BCL2L13: variants seen among roughly 807,000 people sequenced by gnomAD.
BCL2L13 encodes BCL2 like 13.
BCL2L13 carries 13 observed loss-of-function variants against 25.8 expected under a neutral mutation model. That is an observed-to-expected ratio of 0.50 (90% confidence interval 0.33 to 0.80). BCL2L13 has a LOEUF of 0.80. Ranked by LOEUF, BCL2L13 falls within the 30% of genes least tolerant of loss-of-function variation. BCL2L13 has a pLI of 0.02. For missense variants in BCL2L13, 504 were observed against 574.9 expected (o/e 0.88, Z 1.26); for synonymous variants, 244 against 230.3 (o/e 1.06, Z -0.54).
In BCL2L13 at chr22:17,730,215, ATCAG is replaced by A. The variant is rs1260633896; in HGVS notation, c.*2687_*2690del. The A allele has an allele frequency of 2.0e-5, 3 of 152,214 alleles. No individual in the cohort carries two copies. The highest frequency in any genetic ancestry group is 7.2e-5 in the African/African-American group (3 of 41,456). 9.4% of individuals were successfully genotyped at this position (152,214 alleles called of 1,614,324 possible). A position where few individuals can be genotyped will look rare whatever the true frequency, so the allele number is the denominator to read the frequency against. Reference sequence around the variant, plus strand: ...AAGTGATAATTCTGGGCCCACAGAAATCAGTCAGTACCTGCGGTGTGCCTTAAGG... The same window carrying A: ...AAGTGATAATTCTGGGCCCACAGAAATCAGTACCTGCGGTGTGCCTTAAGG... On this transcript the variant is annotated 3_prime_UTR_variant, in exon 7 of 7. Transcript: ENST00000317582.
intron 4 of BCL2L13, among the ~76,000 whole-genome samples, chr22:17,693,365 AGTGTTTG>A (rs1365846228): frequency 0.12 from 9,655 of 80,430 alleles, 415 homozygotes; most frequent in Non-Finnish European, 0.15. Context: ...TTATTTATTT[AGTGTTTG>A]TTTTTTTTTT....
chr22:17,669,721 T>A (rs552749669), intron 2 of BCL2L13, among the ~76,000 whole-genome samples: 1 of 152,142 alleles, frequency 6.6e-6, no homozygotes, highest in Non-Finnish European at 1.5e-5. Context: ...CGTGGGTTAA[T>A]GGATTAATGA....
intron 2 of BCL2L13, among the ~76,000 whole-genome samples, chr22:17,658,254 A>C (rs2058950474): frequency 6.6e-6 from 1 of 152,204 alleles, no homozygotes; most frequent in African/African-American, 2.4e-5. Context: ...ACAACTGGCA[A>C]ATGTGAAAGA....
chr22:17,644,584 C>A (rs1266772126), intron 1 of BCL2L13, among the ~76,000 whole-genome samples: 1 of 151,250 alleles, frequency 6.6e-6, no homozygotes, highest in African/African-American at 2.5e-5. Flanking sequence ...CCTGCCTTGG[C>A]CTTCCAAAGT....
chr22:17,705,065 T>C (rs1287927934), intron 6 of BCL2L13, among the ~76,000 whole-genome samples: 1 of 150,660 alleles, frequency 6.6e-6, no homozygotes, highest in African/African-American at 2.4e-5. Context: ...AATCTGGAAA[T>C]TTGATAGACT....
upstream of BCL2L13, among the ~76,000 whole-genome samples, chr22:17,636,480 G>C (rs534861970): frequency 1.3e-5 from 2 of 151,960 alleles, no homozygotes; most frequent in South Asian, 2.1e-4. Flanking sequence ...TAACAGAAGC[G>C]ACACCTTGTC....
rs2061341984 is a variant in BCL2L13 at position 17,728,086 on chromosome 22, T to G, written c.*552T>G. ...CTCTTAATCCCCTTAGAATTTCATC[T>G]TTCTCGATGAGCAGGCTCTGCACCC... is the stretch of plus-strand genomic sequence containing the variant. On this transcript the variant is annotated 3_prime_UTR_variant, in exon 7 of 7. Transcript: ENST00000317582. 1 of 157,340 alleles carries G rather than the reference T, an allele frequency of 6.4e-6. No individual in the cohort carries two copies. Among genetic ancestry groups the G allele is most frequent in the South Asian group, 1.9e-4 (1 of 5,378 alleles). 9.7% of individuals were successfully genotyped at this position (157,340 alleles called of 1,614,324 possible). A position where few individuals can be genotyped will look rare whatever the true frequency, so the allele number is the denominator to read the frequency against.
At chr22:17,631,565 T>C (rs1257922442) in intron 1 of BCL2L13, among the ~76,000 whole-genome samples, 4 of 148,548 alleles carry the variant, frequency 2.7e-5, no homozygotes, top group Non-Finnish European at 5.9e-5. Context: ...AGTCCTACAG[T>C]GTTTGTCAGG....
intron 1 of BCL2L13, among the ~76,000 whole-genome samples, chr22:17,646,327 A>C (rs902449245): frequency 6.6e-6 from 1 of 150,880 alleles, no homozygotes; most frequent in Non-Finnish European, 1.5e-5. Context: ...GCTCACTGCA[A>C]CCTCCACCTC....
At chr22:17,690,581 A>G (rs77148035) in intron 4 of BCL2L13, among the ~76,000 whole-genome samples, 2,240 of 152,212 alleles carry the variant, frequency 0.015, 57 homozygotes, top group African/African-American at 0.05. Context: ...CAATATAGCC[A>G]GACCCTGTCT....
intron 2 of BCL2L13, among the ~76,000 whole-genome samples, chr22:17,681,685 G>C (rs1179293138): frequency 6.6e-6 from 1 of 152,066 alleles, no homozygotes; most frequent in Non-Finnish European, 1.5e-5. Flanking sequence ...AAGAACTGCT[G>C]TGCTGTGATC....
intron 5 of BCL2L13, among the ~76,000 whole-genome samples, chr22:17,700,526 A>G (rs974959391): frequency 6.6e-6 from 1 of 152,208 alleles, no homozygotes; most frequent in Admixed American, 6.5e-5. Context: ...GGGAAATTAG[A>G]ATGTTTTGAA....
intron 6 of BCL2L13, among the ~76,000 whole-genome samples, chr22:17,715,448 C>T (rs916899544): frequency 2.0e-5 from 3 of 151,278 alleles, no homozygotes; most frequent in East Asian, 1.9e-4. Flanking sequence ...TCCCAAAGTG[C>T]TGGGATTACA....
intron 3 of BCL2L13, chr22:17,684,492 T>C (rs2059849678): frequency 2.3e-6 from 1 of 433,982 alleles, no homozygotes; most frequent in Non-Finnish European, 4.6e-6. Context: ...AGGCACCCAC[T>C]GATCTCCATT....
chr22:17,663,789 C>G (rs1473716639), intron 2 of BCL2L13, among the ~76,000 whole-genome samples: 1 of 137,190 alleles, frequency 7.3e-6, no homozygotes, highest in Non-Finnish European at 1.5e-5. Flanking sequence ...CTAGTTCAAG[C>G]GATTCTCCTG....
In BCL2L13 at chr22:17,730,053, G is replaced by A. The variant is rs948037632; in HGVS notation, c.*2519G>A. 2 of 152,214 alleles carry A rather than the reference G, an allele frequency of 1.3e-5. No homozygotes were observed. The highest frequency in any genetic ancestry group is 2.9e-5 in the Non-Finnish European group (2 of 68,038). The allele number at this position is 152,214 out of a possible 1,614,324, so 9.4% of individuals were successfully genotyped here. On this transcript the variant is annotated 3_prime_UTR_variant, in exon 7 of 7. Transcript: ENST00000317582. ...AACTTATACCCTCTAAGTCTAAGGTGAAGGAAAGATTCAGAATAAATCCAA... is the reference window on the plus strand; with the variant it reads ...AACTTATACCCTCTAAGTCTAAGGTAAAGGAAAGATTCAGAATAAATCCAA...
At chr22:17,714,022 G>A (rs969887117) in intron 6 of BCL2L13, among the ~76,000 whole-genome samples, 3 of 150,106 alleles carry the variant, frequency 2.0e-5, no homozygotes, top group African/African-American at 7.4e-5. Flanking sequence ...GGCTGGGCGC[G>A]GAGGCTCACA....
intron 6 of BCL2L13, among the ~76,000 whole-genome samples, chr22:17,721,381 A>G (rs1303986351): frequency 1.3e-5 from 2 of 152,006 alleles, no homozygotes; most frequent in Non-Finnish European, 2.9e-5. Flanking sequence ...GTTATTTTTT[A>G]ATTTAAAAAA....
At chr22:17,637,305 G>C (rs1409080118), upstream of BCL2L13, among the ~76,000 whole-genome samples, 1 of 151,568 alleles carries the variant, frequency 6.6e-6, no homozygotes, top group Non-Finnish European at 1.5e-5. Flanking sequence ...TACTTGGGAG[G>C]CTGAGGCAGG....
Sources: allele counts gnomAD v4.1 joint callset (sites outside exome capture counted in the v4.1 genomes callset), GRCh38; gene constraint gnomAD v4.1.1; transcripts MANE v1.5; gene names NCBI Gene and HGNC (gene_info 2026-07-23, HGNC 2026-07-21).